Variants in DPYD observed in about 807,000 individuals in gnomAD.
The protein encoded by DPYD is dihydropyrimidine dehydrogenase [NADP(+)].
DPYD carries 109 observed loss-of-function variants against 116.2 expected under a neutral mutation model. The ratio of observed to expected loss-of-function variants is 0.94; its 90% CI spans 0.80 to 1.10. The LOEUF is 1.10. Ranked by LOEUF, DPYD falls within the 50% of genes least tolerant of loss-of-function variation. The probability of loss-of-function intolerance (pLI) is 0.00; values close to 1 mark genes in which losing one functional copy is unlikely to be tolerated. For synonymous variants in DPYD, 440 were observed against 432.0 expected (o/e 1.02, Z -0.23); for missense variants, 1,302 against 1,254.5 (o/e 1.04, Z -0.57).
chr1:97,667,228 T>C (rs1659615795), intron 8 of DPYD, among the ~76,000 whole-genome samples: 1 of 152,170 alleles, frequency 6.6e-6, no homozygotes, highest in South Asian at 2.1e-4. Context: ...TGCTATCTCT[T>C]AATAGTCCTC....
intron 20 of DPYD, among the ~76,000 whole-genome samples, chr1:97,139,259 T>A (rs1018635525): frequency 6.6e-6 from 1 of 152,162 alleles, no homozygotes; most frequent in African/African-American, 2.4e-5. Flanking sequence ...TCATTTCTGA[T>A]GCTGTAGCTG....
intron 16 of DPYD, among the ~76,000 whole-genome samples, chr1:97,323,345 C>CATATGTGTATATGTACACGT (rs200241550): frequency 4.4e-5 from 1 of 22,606 alleles, no homozygotes; most frequent in African/African-American, 1.2e-4. Context: ...CGTATATATA[C>CATATGTGTATATGTACACGT]ATGTGTATAT....
intron 5 of DPYD, among the ~76,000 whole-genome samples, chr1:97,713,977 C>CTA (rs1662448927): frequency 2.0e-5 from 3 of 151,968 alleles, no homozygotes; most frequent in Admixed American, 6.6e-5. Flanking sequence ...AAGTTATTAG[C>CTA]TATATATATT....
chr1:97,558,408 T>C lies in DPYD; in HGVS notation c.1340-8664A>G, dbSNP rs558439786. Among the ~76,000 whole-genome samples the C allele has an allele frequency of 3.6e-4, 55 of 152,254 alleles. 1 individual carries two copies. Among genetic ancestry groups the C allele is most frequent in the African/African-American group, 1.1e-3 (45 of 41,504 alleles). On this transcript the variant is annotated intron_variant, in intron 11 of 22. Coordinates refer to ENST00000370192, the MANE Select transcript of DPYD (RefSeq NM_000110.4). ...ATTTAGCATTCATATTATTCTGTCT[T>C]AGTTATTTTTCTTGTAGATCTTATT...
intron 8 of DPYD, among the ~76,000 whole-genome samples, chr1:97,617,200 A>T (rs992418283): frequency 6.6e-6 from 1 of 152,146 alleles, no homozygotes; most frequent in Non-Finnish European, 1.5e-5. Context: ...ACCTACGCAT[A>T]CACACACACA....
intron 8 of DPYD, among the ~76,000 whole-genome samples, chr1:97,672,678 T>C (rs549614059): frequency 6.6e-6 from 1 of 152,298 alleles, no homozygotes; most frequent in South Asian, 2.1e-4. Context: ...TGCATTTTCC[T>C]CTGAATAAAT....
chr1:97,316,623 G>C (rs533859976), intron 16 of DPYD, among the ~76,000 whole-genome samples: 116 of 151,930 alleles, frequency 7.6e-4, no homozygotes, highest in African/African-American at 2.7e-3. Context: ...AATGCCCTCT[G>C]TTCTGAACTG....
At chr1:97,350,779 A>G (rs1337938325) in intron 16 of DPYD, among the ~76,000 whole-genome samples, 1 of 152,180 alleles carries the variant, frequency 6.6e-6, no homozygotes, top group African/African-American at 2.4e-5. Context: ...TTATGTTATA[A>G]CTGGAATCTG....
At chr1:97,518,594 G>C (rs896961453) in intron 12 of DPYD, among the ~76,000 whole-genome samples, 7 of 152,068 alleles carry the variant, frequency 4.6e-5, no homozygotes, top group African/African-American at 1.7e-4. Flanking sequence ...GGATGTAGAT[G>C]CTTTGCTCTT....
At chr1:97,288,012 C>CA (rs1409407058) in intron 18 of DPYD, among the ~76,000 whole-genome samples, 1 of 148,920 alleles carries the variant, frequency 6.7e-6, no homozygotes. Context: ...AAATGGAAAA[C>CA]AAAAAAAGGC....
intron 11 of DPYD, among the ~76,000 whole-genome samples, chr1:97,566,712 T>C (rs1227910278): frequency 6.6e-6 from 1 of 152,166 alleles, no homozygotes; most frequent in East Asian, 1.9e-4. Context: ...CCTTTATTTT[T>C]GATATGAGAA....
At chr1:97,144,182 C>T (rs537726711) in intron 20 of DPYD, among the ~76,000 whole-genome samples, 95 of 152,286 alleles carry the variant, frequency 6.2e-4, no homozygotes, top group Middle Eastern at 6.8e-3. Context: ...CAAATGGGTA[C>T]GCTTCCTTAA....
chr1:97,291,859 T>C (rs190596536), intron 18 of DPYD, among the ~76,000 whole-genome samples: 5 of 151,258 alleles, frequency 3.3e-5, no homozygotes. Context: ...AAATAAACCC[T>C]AAAAAAAACC....
intron 3 of DPYD, among the ~76,000 whole-genome samples, chr1:97,822,365 T>C (rs1391626267): frequency 6.1e-5 from 9 of 147,964 alleles, no homozygotes; most frequent in Non-Finnish European, 8.9e-5. Flanking sequence ...TTTATAAATA[T>C]TGTAAAATTC....
chr1:97,592,393 GTCTC>G (rs969554269), intron 10 of DPYD, among the ~76,000 whole-genome samples: 107 of 152,250 alleles, frequency 7.0e-4, no homozygotes, highest in African/African-American at 2.1e-3. Context: ...TTGAGACAGA[GTCTC>G]TCTCTGTCAC....
intron 16 of DPYD, among the ~76,000 whole-genome samples, chr1:97,345,894 T>A (rs1669816267): frequency 6.6e-6 from 1 of 151,928 alleles, no homozygotes; most frequent in Admixed American, 6.6e-5. Context: ...ATTATTTTAA[T>A]GATTTTTTTT....
In DPYD at chr1:97,782,188, A is replaced by T. The variant is rs192465885; in HGVS notation, c.234-41709T>A. On this transcript the variant is annotated intron_variant, in intron 3 of 22. Coordinates refer to ENST00000370192, the MANE Select transcript of DPYD (RefSeq NM_000110.4). The stretch of plus-strand genomic sequence containing the variant: ...CTCTCACACTAATAGATACATGATT[A>T]AACCACTGCAAACAAAGGTCTGTGG... 2.7e-3 allele frequency among the ~76,000 whole-genome samples: 417 copies of T among 152,320 alleles called. 2 individuals carry two copies. Among genetic ancestry groups the T allele is most frequent in the African/African-American group, 8.9e-3 (371 of 41,574 alleles).
At chr1:97,529,805 T>C (rs763385054) in intron 12 of DPYD, among the ~76,000 whole-genome samples, 1 of 151,460 alleles carries the variant, frequency 6.6e-6, no homozygotes, top group African/African-American at 2.4e-5. Flanking sequence ...TCCCTTTTTC[T>C]TTCTTTCCTT....
chr1:97,889,357 T>C (rs2101656190), intron 1 of DPYD, among the ~76,000 whole-genome samples: 1 of 152,194 alleles, frequency 6.6e-6, no homozygotes, highest in African/African-American at 2.4e-5. Context: ...GATGCAACTA[T>C]GTTCTGTCTT....
Sources: allele counts gnomAD v4.1 joint callset (sites outside exome capture counted in the v4.1 genomes callset), GRCh38; gene constraint gnomAD v4.1.1; transcripts MANE v1.5; gene names NCBI Gene and HGNC (gene_info 2026-07-23, HGNC 2026-07-21).